PPP2R5A: variants seen among roughly 807,000 people sequenced by gnomAD.
The protein encoded by PPP2R5A is serine/threonine-protein phosphatase 2A 56 kDa regulatory subunit alpha isoform.
In PPP2R5A, 25 loss-of-function variants were observed where a neutral mutation model predicts 64.2. The observed-to-expected ratio is 0.39, with a 90% CI of 0.28 to 0.54. The LOEUF (loss-of-function observed/expected upper bound fraction) is 0.54, where lower values mean the gene tolerates loss of function less well. PPP2R5A is among the 20% of genes least tolerant of loss of function. PPP2R5A has a pLI of 0.67. For missense variants in PPP2R5A, 425 were observed against 576.3 expected, an observed-to-expected ratio of 0.74 and a Z score of 2.69; for synonymous variants, 198 against 201.2, an observed-to-expected ratio of 0.98 and a Z score of 0.13.
chr1:212,348,894 T>C (rs1425740266), intron 7 of PPP2R5A, among the ~76,000 whole-genome samples: 1 of 152,164 alleles, frequency 6.6e-6, no homozygotes, highest in Admixed American at 6.5e-5. Flanking sequence ...AGAAACATGC[T>C]GAAAAACTAA....
At chr1:212,288,756 G>A (rs571714395) in intron 1 of PPP2R5A, among the ~76,000 whole-genome samples, 3 of 152,266 alleles carry the variant, frequency 2.0e-5, no homozygotes, top group East Asian at 3.9e-4. Context: ...AAGCCCTTTA[G>A]TATGTGTATG....
rs773632575 is a variant in PPP2R5A at position 212,360,749 on chromosome 1, C to A, written c.1440C>A (p.Leu480=). Residue 480 remains leucine, a synonymous_variant, in exon 13 of 13, where the codon CTC becomes CTA. Coordinates refer to ENST00000261461, the MANE Select transcript of PPP2R5A (RefSeq NM_006243.4). ...QNSAYNMHSI[L]SNTSAE The stretch of plus-strand genomic sequence containing the variant: ...GTGCTTACAACATGCACAGTATTCT[C>A]AGCAATACAAGTGCCGAATAAAAAA... The A allele has an allele frequency of 3.2e-6, 5 of 1,547,330 alleles. No individual in the cohort carries two copies. The highest frequency in any genetic ancestry group is 2.2e-5 in the Admixed American group (1 of 45,414).
At chr1:212,354,138 C>T (rs56988493) in intron 8 of PPP2R5A, among the ~76,000 whole-genome samples, 10,283 of 152,030 alleles carry the variant, frequency 0.068, 1,133 homozygotes, top group African/African-American at 0.23. Context: ...GAGCCGAGAT[C>T]GTGCCACTGC....
intron 1 of PPP2R5A, among the ~76,000 whole-genome samples, chr1:212,291,135 A>T (rs1411487500): frequency 6.6e-6 from 1 of 151,432 alleles, no homozygotes; most frequent in Non-Finnish European, 1.5e-5. Flanking sequence ...TTTCAGACTG[A>T]GTCTCGCTGT....
chr1:212,342,636 A>G (rs908953418), intron 4 of PPP2R5A, among the ~76,000 whole-genome samples: 1 of 152,232 alleles, frequency 6.6e-6, no homozygotes, highest in Non-Finnish European at 1.5e-5. Flanking sequence ...TGAACTTGAC[A>G]TATATTTTAA....
intron 1 of PPP2R5A, among the ~76,000 whole-genome samples, chr1:212,323,152 C>A (rs182860898): frequency 3.9e-5 from 6 of 152,246 alleles, no homozygotes; most frequent in Admixed American, 2.0e-4. Flanking sequence ...ACCTTTGATT[C>A]CAGATTGTGT....
At chr1:212,321,873 G>A (rs1413693330) in intron 1 of PPP2R5A, among the ~76,000 whole-genome samples, 2 of 150,506 alleles carry the variant, frequency 1.3e-5, no homozygotes, top group African/African-American at 2.5e-5. Context: ...CCGAGATCAT[G>A]CCACTGCACT....
intron 1 of PPP2R5A, among the ~76,000 whole-genome samples, chr1:212,311,381 A>G (rs2102420344): frequency 6.6e-6 from 1 of 152,190 alleles, no homozygotes; most frequent in South Asian, 2.1e-4. Context: ...AGGCAGAAGA[A>G]TGGCATGAAC....
At chr1:212,299,494 A>G (rs935014398) in intron 1 of PPP2R5A, 1 of 152,244 alleles carries the variant, frequency 6.6e-6, no homozygotes, top group Non-Finnish European at 1.5e-5. Context: ...ACTCTTCCAC[A>G]TTAGCATAGT....
intron 11 of PPP2R5A, 33 bp downstream of exon 11, chr1:212,357,317 CT>C (rs376007639): frequency 0.12 from 119,299 of 997,634 alleles, 9 homozygotes; most frequent in East Asian, 0.14. Context: ...GTATTTTTTT[CT>C]TTTTTTTTTT....
intron 7 of PPP2R5A, among the ~76,000 whole-genome samples, chr1:212,348,776 T>C (rs1428694899): frequency 2.6e-5 from 4 of 152,198 alleles, no homozygotes; most frequent in Non-Finnish European, 5.9e-5. Flanking sequence ...AAATCCCACA[T>C]ATCTACAGAA....
At chr1:212,307,444 C>T (rs78811938) in intron 1 of PPP2R5A, among the ~76,000 whole-genome samples, 3,451 of 151,772 alleles carry the variant, frequency 0.023, 142 homozygotes, top group African/African-American at 0.079. Flanking sequence ...GTTACAACCC[C>T]GAGAATATAT....
At chr1:212,321,342 GA>G (rs1659286531) in intron 1 of PPP2R5A, among the ~76,000 whole-genome samples, 1 of 150,898 alleles carries the variant, frequency 6.6e-6, no homozygotes, top group Non-Finnish European at 1.5e-5. Flanking sequence ...CTCCCTTCCG[GA>G]CGGGGCGGCT....
At chr1:212,335,722 G>C (rs1324323692) in intron 3 of PPP2R5A, among the ~76,000 whole-genome samples, 2 of 152,140 alleles carry the variant, frequency 1.3e-5, no homozygotes, top group Non-Finnish European at 2.9e-5. Flanking sequence ...TAATAGAACT[G>C]TACACAAGTT....
intron 7 of PPP2R5A, 52 bp downstream of exon 7, chr1:212,348,549 A>G: frequency 7.9e-7 from 1 of 1,263,912 alleles, no homozygotes. Context: ...AAAGGCCAAT[A>G]TAAAGGCAGA....
intron 1 of PPP2R5A, among the ~76,000 whole-genome samples, chr1:212,312,577 A>G (rs1659059932): frequency 6.6e-6 from 1 of 152,228 alleles, no homozygotes; most frequent in Non-Finnish European, 1.5e-5. Flanking sequence ...AGTAATAATT[A>G]GTATCTTAGC....
rs1249831390 is a variant in PPP2R5A, at chr1:212,343,274, G to A, written c.573+994G>A. 2.0e-5 allele frequency among the ~76,000 whole-genome samples: 3 copies of A among 152,190 alleles called. 1 individual carries two copies. Among genetic ancestry groups the A allele is most frequent in the East Asian group, 3.9e-4 (2 of 5,178 alleles). ...GCCAAAGGCCCCTTTTTAACTATAT[G>A]GAATTGGCTGGCCCCAAAGAAAATT... is the stretch of plus-strand genomic sequence containing the variant. On this transcript the variant is annotated intron_variant, in intron 4 of 12. Transcript: ENST00000261461.
chr1:212,286,964 T>A (rs1658515776), intron 1 of PPP2R5A, among the ~76,000 whole-genome samples: 1 of 152,262 alleles, frequency 6.6e-6, no homozygotes, highest in Admixed American at 6.5e-5. Flanking sequence ...AATATTCTGT[T>A]GTCTGAGCCG....
Position 212,345,684 on chromosome 1 carries a change from GT to G in PPP2R5A, c.574-118del, listed in dbSNP as rs1445086282. ...ACTTAGCAAGAATAAAGTCAGTGTG[GT>G]AAGGAAGAACTCTAAAAAATTTTTA... On this transcript the variant is annotated intron_variant, in intron 4 of 12. Transcript: ENST00000261461. 10 of 952,086 alleles carry G rather than the reference GT, an allele frequency of 1.1e-5. No individual in the cohort carries two copies. In the African/African-American group the frequency reaches 1.5e-4, roughly 15 times the overall value. The allele number at this position is 952,086 out of a possible 1,614,324, so 59.0% of individuals were successfully genotyped here. A position where few individuals can be genotyped will look rare whatever the true frequency, so the allele number is the denominator to read the frequency against.
Sources: gnomAD v4.1 joint callset for allele counts (sites outside exome capture counted in the v4.1 genomes callset) on GRCh38, gnomAD v4.1.1 for gene constraint, MANE v1.5 for transcripts, NCBI Gene and HGNC (gene_info 2026-07-23, HGNC 2026-07-21) for gene names.